The following KLF12 variants were observed in gnomAD, a reference collection of about 807,000 sequenced individuals.
KLF12 encodes the protein Krueppel-like factor 12.
Under a neutral mutation model 37.8 loss-of-function variants are expected in KLF12, and 9 were observed. The observed-to-expected ratio is 0.24, with a 90% confidence interval of 0.14 to 0.42. The LOEUF (loss-of-function observed/expected upper bound fraction) is 0.42. Ranked by LOEUF, KLF12 falls within the 10% of genes least tolerant of loss-of-function variation. The pLI, the probability that KLF12 is intolerant of heterozygous loss-of-function variation, is 1.00. For missense variants in KLF12, 411 were observed against 516.0 expected, an observed-to-expected ratio of 0.80 and a Z score of 1.97; for synonymous variants, 208 against 202.1, an observed-to-expected ratio of 1.03 and a Z score of -0.25.
At position 73,977,850 on chromosome 13, in the gene KLF12, C is replaced by T. The variant is rs187374390; in HGVS notation, c.33+17140G>A. Among the ~76,000 whole-genome samples, 27 of 152,230 alleles carry T rather than the reference C, an allele frequency of 1.8e-4. No homozygotes were observed. The South Asian group carries it at 2.7e-3, about 15-fold the overall frequency. The stretch of plus-strand genomic sequence containing the variant: ...AGTCAACTAATCTTTAACAAAGGTG[C>T]GAAGGCAATAAAATGGAGCAAAGAT... On this transcript the variant is annotated intron_variant, in intron 2 of 7. Transcript: ENST00000377669.
chr13:73,962,815 T>A (rs770006928), intron 2 of KLF12, among the ~76,000 whole-genome samples: 3 of 152,292 alleles, frequency 2.0e-5, no homozygotes, highest in Non-Finnish European at 4.4e-5. Context: ...GGTACTATAA[T>A]TAATATTTAG....
chr13:74,122,058 T>C (rs1270660168), intron 1 of KLF12, among the ~76,000 whole-genome samples: 1 of 151,978 alleles, frequency 6.6e-6, no homozygotes, highest in Non-Finnish European at 1.5e-5. Context: ...GAGAAAACCT[T>C]AAAACAGGAC....
rs570464694 is a variant in KLF12 at position 74,104,431 on chromosome 13, AAC to A, written c.-32+29306_-32+29307del. ...TGAATCATTAAAGACTGTCCTTCAA[AAC>A]ACAGAGTTTCAGTCAAAAACCAAAG... On this transcript the variant is annotated intron_variant, in intron 1 of 7. Transcript: ENST00000377669. 3.9e-4 allele frequency among the ~76,000 whole-genome samples: 59 copies of A among 152,300 alleles called. No homozygotes were observed. The South Asian group carries it at 0.012, about 30-fold the overall frequency.
chr13:74,185,593 C>A, the KLF12 span, among the ~76,000 whole-genome samples: 1 of 152,150 alleles, frequency 6.6e-6, no homozygotes, highest in Non-Finnish European at 1.5e-5. Flanking sequence ...ACTCCTGGAA[C>A]TTTCAGCACA....
At chr13:74,156,767 C>T in the KLF12 span, among the ~76,000 whole-genome samples, 1 of 152,160 alleles carries the variant, frequency 6.6e-6, no homozygotes, top group South Asian at 2.1e-4. Context: ...ACATAATGAT[C>T]TCCAGTTCCA....
the KLF12 span, among the ~76,000 whole-genome samples, chr13:74,299,433 A>G: frequency 6.6e-6 from 1 of 152,162 alleles, no homozygotes; most frequent in African/African-American, 2.4e-5. Flanking sequence ...TGGAGTGGAT[A>G]TACACAATTT....
At chr13:74,006,982 G>A (rs541836641) in intron 1 of KLF12, among the ~76,000 whole-genome samples, 7 of 152,104 alleles carry the variant, frequency 4.6e-5, no homozygotes, top group South Asian at 2.1e-4. Context: ...TTTCCAGTAC[G>A]TCTCAATTTA....
intron 4 of KLF12, among the ~76,000 whole-genome samples, chr13:73,843,283 G>C (rs949240502): frequency 3.3e-5 from 5 of 151,878 alleles, no homozygotes; most frequent in Non-Finnish European, 1.5e-5. Flanking sequence ...ATAATTGATG[G>C]ATGCTAGACA....
At chr13:74,106,846 T>C (rs1039324312) in intron 1 of KLF12, among the ~76,000 whole-genome samples, 3 of 151,920 alleles carry the variant, frequency 2.0e-5, no homozygotes, top group Non-Finnish European at 1.5e-5. Flanking sequence ...GCTTCCTCTA[T>C]ATTATGATGG....
At chr13:74,263,353 T>A in the KLF12 span, among the ~76,000 whole-genome samples, 1 of 152,188 alleles carries the variant, frequency 6.6e-6, no homozygotes, top group Non-Finnish European at 1.5e-5. Context: ...AAGTTGCTAT[T>A]GTATGCAGCA....
chr13:73,983,173 T>G (rs1190670927), intron 2 of KLF12, among the ~76,000 whole-genome samples: 1 of 152,148 alleles, frequency 6.6e-6, no homozygotes, highest in African/African-American at 2.4e-5. Context: ...TCCTGGAAGT[T>G]CAAGTGTACA....
chr13:74,176,669 G>A, the KLF12 span, among the ~76,000 whole-genome samples: 7 of 151,972 alleles, frequency 4.6e-5, no homozygotes, highest in East Asian at 1.9e-4. Flanking sequence ...GCTGAATCTC[G>A]ATTTTCTCTC....
chr13:73,696,391 A>G (rs1425192067), intron 7 of KLF12, among the ~76,000 whole-genome samples: 1 of 152,170 alleles, frequency 6.6e-6, no homozygotes, highest in East Asian at 1.9e-4. Context: ...ATGTAATTTG[A>G]CCGGGTCTCT....
intron 4 of KLF12, among the ~76,000 whole-genome samples, chr13:73,824,070 C>A (rs1407060429): frequency 6.6e-6 from 1 of 152,064 alleles, no homozygotes; most frequent in Non-Finnish European, 1.5e-5. Flanking sequence ...TGTCCCTACA[C>A]CCTGAACACG....
chr13:74,287,421 C>T, the KLF12 span, among the ~76,000 whole-genome samples: 1 of 144,640 alleles, frequency 6.9e-6, no homozygotes, highest in Admixed American at 6.9e-5. Context: ...CCCCCAACCC[C>T]AGCCCCAATT....
In KLF12 at chr13:73,928,837, T is replaced by A. The variant is rs181198524; in HGVS notation, c.123+15144A>T. ...CCATTATTAATTACAGCTGTCCTCA[T>A]TGGTAAAGTGGCAATGATCACCACA... On this transcript the variant is annotated intron_variant, in intron 3 of 7. Coordinates refer to ENST00000377669, the MANE Select transcript of KLF12 (RefSeq NM_007249.5). Among the ~76,000 whole-genome samples, 4 of 152,268 alleles carry A rather than the reference T, an allele frequency of 2.6e-5. No homozygotes were observed. In the East Asian group the frequency reaches 7.7e-4, roughly 29 times the overall value.
At chr13:73,872,722 C>A (rs566204958) in intron 3 of KLF12, among the ~76,000 whole-genome samples, 1 of 152,204 alleles carries the variant, frequency 6.6e-6, no homozygotes, top group Admixed American at 6.5e-5. Context: ...GCTCCATCTG[C>A]TCTTAAAATT....
chr13:74,023,902 C>G (rs1593838160), intron 1 of KLF12, among the ~76,000 whole-genome samples: 1 of 152,122 alleles, frequency 6.6e-6, no homozygotes, highest in East Asian at 1.9e-4. Context: ...AGAAAAGGGG[C>G]ATGTGAAATA....
At chr13:74,063,332 G>C (rs1408783365) in intron 1 of KLF12, among the ~76,000 whole-genome samples, 1 of 152,172 alleles carries the variant, frequency 6.6e-6, no homozygotes, top group Non-Finnish European at 1.5e-5. Flanking sequence ...AATGCTTTAA[G>C]GAGGCTTGAA....
Sources: gnomAD v4.1 joint callset for allele counts (sites outside exome capture counted in the v4.1 genomes callset) on GRCh38, gnomAD v4.1.1 for gene constraint, MANE v1.5 for transcripts, NCBI Gene and HGNC (gene_info 2026-07-23, HGNC 2026-07-21) for gene names.